Variants in ZNF25 observed in about 807,000 individuals in gnomAD.
ZNF25 encodes the protein zinc finger protein 25 (KOX 19).
A neutral mutation model predicts 30.9 loss-of-function variants in ZNF25; 21 were observed. The observed-to-expected ratio is 0.68, with a 90% CI of 0.48 to 0.98. The LOEUF (loss-of-function observed/expected upper bound fraction) is 0.98, where lower values mean the gene tolerates loss of function less well. ZNF25 is among the 50% of genes least tolerant of loss of function. ZNF25 has a pLI of 0.00. For synonymous variants in ZNF25, 169 were observed against 181.3 expected (o/e 0.93, Z 0.55); for missense variants, 501 against 529.9 (o/e 0.95, Z 0.54).
Position 37,952,649 on chromosome 10 carries a change from CT to C in ZNF25, c.848del (p.Glu283GlyfsTer99). The C allele has an allele frequency of 1.9e-6, 3 of 1,613,826 alleles. No homozygotes were observed. The highest frequency in any genetic ancestry group is 2.5e-6 in the Non-Finnish European group (3 of 1,179,926). On this transcript the variant is annotated frameshift_variant, in exon 6 of 6. Transcript: ENST00000302609. LOFTEE classifies it high-confidence loss of function. ...CACATTCCTTACATTTATAGGGTTTCTCCCCTGTGTGCATTCTCTGATGTAC... is the reference window on the plus strand; with the variant it reads ...CACATTCCTTACATTTATAGGGTTTCCCCCTGTGTGCATTCTCTGATGTAC... ...LTVHQRMHTG[E>X]KPYKCKECGK... is the part of the protein sequence containing the mutation.
chr10:37,951,149 C>T lies in ZNF25; in HGVS notation c.*978G>A, dbSNP rs2062122388. On this transcript the variant is annotated 3_prime_UTR_variant, in exon 6 of 6. Transcript: ENST00000302609. Reference sequence around the variant, plus strand: ...CACTGTCTATATCCATTTACAAACACAAAAAAGGATAAAAAGATGCCTTAT... The same window carrying T: ...CACTGTCTATATCCATTTACAAACATAAAAAAGGATAAAAAGATGCCTTAT... 6.6e-6 allele frequency: 1 copy of T among 151,900 alleles called. No individual in the cohort carries two copies. Among genetic ancestry groups the T allele is most frequent in the Non-Finnish European group, 1.5e-5 (1 of 67,958 alleles). 9.4% of individuals were successfully genotyped at this position (151,900 alleles called of 1,614,324 possible). A position where few individuals can be genotyped will look rare whatever the true frequency, so the allele number is the denominator to read the frequency against.
intron 4 of ZNF25, 49 bp downstream of exon 4, chr10:37,956,971 G>A: frequency 7.3e-7 from 1 of 1,366,006 alleles, no homozygotes; most frequent in Non-Finnish European, 1.0e-6. Flanking sequence ...GAAGGCAAGA[G>A]GCACCAACTA....
intron 1 of ZNF25, among the ~76,000 whole-genome samples, chr10:37,973,643 A>T (rs1160652340): frequency 7.2e-5 from 11 of 152,118 alleles, no homozygotes; most frequent in Admixed American, 7.2e-4. Context: ...TGATATTAAA[A>T]TGGAAAGATA....
chr10:37,953,191 C>T lies in ZNF25; in HGVS notation c.307G>A (p.Gly103Arg), dbSNP rs2062284305. The stretch of plus-strand genomic sequence containing the variant: ...GTTTTCTGATGTTTTGTGAGTTCTC[C>T]ATTCCTAGACAGAAAGTTCCACATT... ...QESQAGNSRN[G>R]ELTKHQKTHT... The change falls in exon 6 of 6, where the codon GGA becomes AGA. Residue 103 changes from glycine (G) to arginine (R), a missense_variant. Coordinates refer to ENST00000302609, the MANE Select transcript of ZNF25 (RefSeq NM_145011.4). The T allele has an allele frequency of 2.5e-6, 4 of 1,571,720 alleles. No homozygotes were observed. The highest frequency in any genetic ancestry group is 1.7e-4 in the Middle Eastern group (1 of 5,842).
At position 37,957,464 on chromosome 10, in the gene ZNF25, T is replaced by C; in HGVS notation, c.98A>G (p.Tyr33Cys). The stretch of plus-strand genomic sequence containing the variant: ...ATAGTTTTCCAGCATCACATCCTTA[T>C]ACAGAGTCCTCTGAGCAGGGGTCAG... ...KLLTPAQRTLYKDVMLENYSH... is the reference protein window; with the variant it reads ...KLLTPAQRTLCKDVMLENYSH... Residue 33 changes from tyrosine to cysteine, a missense_variant, in exon 3 of 6, where the codon TAT becomes TGT. Physicochemically the swap from Tyr to Cys is radical, Grantham distance 194. Coordinates refer to ENST00000302609, the MANE Select transcript of ZNF25 (RefSeq NM_145011.4). 6.2e-7 allele frequency: 1 copy of C among 1,614,090 alleles called. No individual in the cohort carries two copies. Among genetic ancestry groups the C allele is most frequent in the Non-Finnish European group, 8.5e-7 (1 of 1,179,986 alleles).
At chr10:37,963,339 C>T (rs1243282667) in intron 2 of ZNF25, among the ~76,000 whole-genome samples, 1 of 152,132 alleles carries the variant, frequency 6.6e-6, no homozygotes, top group Non-Finnish European at 1.5e-5. Context: ...CCAGGCTAGT[C>T]TAGAACTCCT....
chr10:37,952,105 C>A lies in ZNF25; in HGVS notation c.*22G>T. The A allele has an allele frequency of 1.3e-6, 2 of 1,531,764 alleles. No individual in the cohort carries two copies. The highest frequency in any genetic ancestry group is 2.1e-5 in the Admixed American group (1 of 46,746). 94.9% of individuals were successfully genotyped at this position (1,531,764 alleles called of 1,614,324 possible). On this transcript the variant is annotated 3_prime_UTR_variant, in exon 6 of 6. Transcript: ENST00000302609. ...GATTGTTTTGAAGGATTAATTCAGTCAAGAGAATTTCCCAACTCATCTTAC... is the reference window on the plus strand; with the variant it reads ...GATTGTTTTGAAGGATTAATTCAGTAAAGAGAATTTCCCAACTCATCTTAC...
chr10:37,956,676 G>C (rs906294272), intron 4 of ZNF25, among the ~76,000 whole-genome samples: 1 of 152,040 alleles, frequency 6.6e-6, no homozygotes, highest in Non-Finnish European at 1.5e-5. Flanking sequence ...TAGCACTTTG[G>C]GAGGCCGAGG....
Position 37,950,183 on chromosome 10 carries a change from G to A in ZNF25, c.*1944C>T, listed in dbSNP as rs2062070779. ...TGCTAGATCTTAGGCTCAAGGGCAT[G>A]TGGTGTCTGCTACAACTACTCAACT... On this transcript the variant is annotated 3_prime_UTR_variant, in exon 6 of 6. Coordinates refer to ENST00000302609, the MANE Select transcript of ZNF25 (RefSeq NM_145011.4). The A allele has an allele frequency of 6.6e-6, 1 of 152,606 alleles. No homozygotes were observed. Among genetic ancestry groups the A allele is most frequent in the Non-Finnish European group, 1.5e-5 (1 of 68,036 alleles). 9.5% of individuals were successfully genotyped at this position (152,606 alleles called of 1,614,324 possible).
rs375649708 is a variant in ZNF25, at chr10:37,953,199, G to A, written c.303-4C>T. ...ATGTTTTGTGAGTTCTCCATTCCTAGACAGAAAGTTCCACATTCATTAATG... is the reference window on the plus strand; with the variant it reads ...ATGTTTTGTGAGTTCTCCATTCCTAAACAGAAAGTTCCACATTCATTAATG... On this transcript the variant is annotated splice_polypyrimidine_tract_variant and splice_region_variant and intron_variant, in intron 5 of 5. Transcript: ENST00000302609. The A allele has an allele frequency of 1.1e-5, 17 of 1,568,312 alleles. No homozygotes were observed. The highest frequency in any genetic ancestry group is 9.0e-5 in the East Asian group (4 of 44,670).
At chr10:37,958,590 A>C (rs1194904196) in intron 2 of ZNF25, among the ~76,000 whole-genome samples, 1 of 152,214 alleles carries the variant, frequency 6.6e-6, no homozygotes, top group African/African-American at 2.4e-5. Flanking sequence ...TCTGCTTATT[A>C]ATATAATACA....
intron 2 of ZNF25, among the ~76,000 whole-genome samples, chr10:37,961,728 C>T (rs2062885767): frequency 6.6e-6 from 1 of 150,542 alleles, no homozygotes; most frequent in African/African-American, 2.4e-5. Flanking sequence ...TCGAGACCAG[C>T]CTGACCAACA....
In ZNF25 at chr10:37,951,488, C is replaced by A. The variant is rs567191505; in HGVS notation, c.*639G>T. The A allele has an allele frequency of 6.6e-6, 1 of 152,262 alleles. No homozygotes were observed. The highest frequency in any genetic ancestry group is 2.4e-5 in the African/African-American group (1 of 41,546). 9.4% of individuals were successfully genotyped at this position (152,262 alleles called of 1,614,324 possible). A position where few individuals can be genotyped will look rare whatever the true frequency, so the allele number is the denominator to read the frequency against. ...TTGCAGGTTTCCTTTTAAAATAGAGCAATCTCGGCATCAGATCTGCAACAT... is the reference window on the plus strand; with the variant it reads ...TTGCAGGTTTCCTTTTAAAATAGAGAAATCTCGGCATCAGATCTGCAACAT... On this transcript the variant is annotated 3_prime_UTR_variant, in exon 6 of 6. Coordinates refer to ENST00000302609, the MANE Select transcript of ZNF25 (RefSeq NM_145011.4).
intron 2 of ZNF25, among the ~76,000 whole-genome samples, chr10:37,959,814 T>C (rs1178135885): frequency 6.6e-6 from 1 of 151,686 alleles, no homozygotes; most frequent in Non-Finnish European, 1.5e-5. Flanking sequence ...TTCAGCATGT[T>C]GGCCAGGCTG....
intron 2 of ZNF25, among the ~76,000 whole-genome samples, chr10:37,963,518 G>C (rs1410683457): frequency 2.6e-5 from 4 of 152,206 alleles, no homozygotes; most frequent in Non-Finnish European, 4.4e-5. Context: ...GTTTGGATGT[G>C]TGTCCCCTCC....
At chr10:37,975,673 A>C (rs1168791554) in intron 1 of ZNF25, among the ~76,000 whole-genome samples, 2 of 152,206 alleles carry the variant, frequency 1.3e-5, no homozygotes, top group Non-Finnish European at 2.9e-5. Context: ...TCCTCTGAGA[A>C]GAGACTAAGG....
intron 2 of ZNF25, among the ~76,000 whole-genome samples, chr10:37,960,803 C>T (rs975592985): frequency 6.6e-6 from 1 of 151,980 alleles, no homozygotes; most frequent in African/African-American, 2.4e-5. Context: ...AGCTGTAGTT[C>T]AAAATCCAAA....
chr10:37,963,289 A>G (rs1404928445), intron 2 of ZNF25, among the ~76,000 whole-genome samples: 1 of 151,838 alleles, frequency 6.6e-6, no homozygotes, highest in Non-Finnish European at 1.5e-5. Context: ...CATCCAGCTA[A>G]TTTTTGTATT....
At chr10:37,965,650 T>C (rs1459187942) in intron 2 of ZNF25, among the ~76,000 whole-genome samples, 1 of 151,988 alleles carries the variant, frequency 6.6e-6, no homozygotes, top group Non-Finnish European at 1.5e-5. Context: ...AGTCCTTCAG[T>C]CTGAAATGAA....
Sources: gnomAD v4.1 joint callset for allele counts (sites outside exome capture counted in the v4.1 genomes callset) on GRCh38, gnomAD v4.1.1 for gene constraint, MANE v1.5 for transcripts, NCBI Gene and HGNC (gene_info 2026-07-23, HGNC 2026-07-21) for gene names.